The following PARD3 variants were observed in gnomAD, a reference collection of about 807,000 sequenced individuals.
The protein encoded by PARD3 is partitioning defective 3 homolog.
Under a neutral mutation model 155.4 loss-of-function variants are expected in PARD3, and 75 were observed. The ratio of observed to expected loss-of-function variants is 0.48; its 90% CI spans 0.40 to 0.58. PARD3 has a LOEUF of 0.58. Ranked by LOEUF, PARD3 falls within the 20% of genes least tolerant of loss-of-function variation. The pLI is 0.00. For missense variants in PARD3, 1,642 were observed against 1,721.7 expected (o/e 0.95, Z 0.82); for synonymous variants, 576 against 610.5 (o/e 0.94, Z 0.83).
chr10:34,520,344 T>G (rs745659179), intron 2 of PARD3, among the ~76,000 whole-genome samples: 1 of 152,068 alleles, frequency 6.6e-6, no homozygotes, highest in Non-Finnish European at 1.5e-5. Context: ...ACCACGGTAA[T>G]TGGTATGAAG....
chr10:34,406,652 CA>C, intron 5 of PARD3, among the ~76,000 whole-genome samples: 1 of 152,224 alleles, frequency 6.6e-6, no homozygotes, highest in Non-Finnish European at 1.5e-5. Flanking sequence ...CTAGGCCTCC[CA>C]AATAGCTGCA....
intron 1 of PARD3, among the ~76,000 whole-genome samples, chr10:34,785,021 AATTT>A (rs754965313): frequency 3.9e-5 from 6 of 152,242 alleles, no homozygotes; most frequent in African/African-American, 1.4e-4. Flanking sequence ...AGGATACTGG[AATTT>A]ATTTAATTTA....
rs118001123 is a variant in PARD3 at position 34,648,019 on chromosome 10, A to C, written c.222+48299T>G. 2.3e-3 allele frequency among the ~76,000 whole-genome samples: 344 copies of C among 152,336 alleles called. 6 individuals carry two copies. The East Asian group carries it at 0.057, about 25-fold the overall frequency. ...ATGTGCCAATTCTAGACAGGAGTCC[A>C]ACATACAAATAATATCTGAAGTACT... On this transcript the variant is annotated intron_variant, in intron 2 of 24. Coordinates refer to ENST00000374788, the MANE Select transcript of PARD3 (RefSeq NM_001184785.2).
At chr10:34,432,071 A>AAAAAAAT (rs2075960604) in intron 5 of PARD3, among the ~76,000 whole-genome samples, 1 of 145,058 alleles carries the variant, frequency 6.9e-6, no homozygotes, top group Non-Finnish European at 1.5e-5. Flanking sequence ...AAAAAAAAAA[A>AAAAAAAT]GAATGCAGAG....
intron 3 of PARD3, among the ~76,000 whole-genome samples, chr10:34,501,986 T>C (rs2080746419): frequency 6.6e-6 from 1 of 152,154 alleles, no homozygotes. Context: ...CCAATAGAGC[T>C]TGTTTGCTCC....
chr10:34,183,260 C>T (rs1017233824), intron 22 of PARD3, among the ~76,000 whole-genome samples: 2 of 152,328 alleles, frequency 1.3e-5, no homozygotes, highest in Middle Eastern at 3.4e-3. Context: ...CAGGGTCTTG[C>T]TCTGTCGCCC....
chr10:34,372,554 A>G lies in PARD3; in HGVS notation c.1669-18T>C, dbSNP rs1840794501. On this transcript the variant is annotated intron_variant, in intron 11 of 24. Transcript: ENST00000374788. Reference sequence around the variant, plus strand: ...TCTGCATTCTAGAAGAATTGAAGAAAAACATAAATACAGACTGACCAAAGC... The same window carrying G: ...TCTGCATTCTAGAAGAATTGAAGAAGAACATAAATACAGACTGACCAAAGC... The G allele has an allele frequency of 1.3e-6, 2 of 1,589,236 alleles. No homozygotes were observed. Among genetic ancestry groups the G allele is most frequent in the Middle Eastern group, 1.7e-4 (1 of 6,016 alleles).
chr10:34,228,350 A>G (rs568322541), intron 22 of PARD3, among the ~76,000 whole-genome samples: 10 of 152,172 alleles, frequency 6.6e-5, no homozygotes, highest in Middle Eastern at 3.4e-3. Context: ...CCCCCATGAC[A>G]TGCAATTTGC....
chr10:34,422,676 T>C (rs987393101), intron 5 of PARD3, among the ~76,000 whole-genome samples: 2 of 152,080 alleles, frequency 1.3e-5, no homozygotes, highest in Non-Finnish European at 2.9e-5. Flanking sequence ...AACAGGTATA[T>C]GAAAAATGCT....
chr10:34,196,156 C>T (rs1950922987), intron 22 of PARD3, among the ~76,000 whole-genome samples: 1 of 152,168 alleles, frequency 6.6e-6, no homozygotes, highest in South Asian at 2.1e-4. Context: ...CTGTGAGCTC[C>T]TTTGTCTATA....
intron 22 of PARD3, among the ~76,000 whole-genome samples, chr10:34,181,479 T>A (rs1174118432): frequency 6.7e-6 from 1 of 148,688 alleles, no homozygotes; most frequent in Non-Finnish European, 1.5e-5. Context: ...CCAAGCCATA[T>A]AAAGTGCTGT....
intron 5 of PARD3, among the ~76,000 whole-genome samples, chr10:34,407,532 A>G (rs1197205643): frequency 6.6e-6 from 1 of 152,214 alleles, no homozygotes; most frequent in East Asian, 1.9e-4. Flanking sequence ...GCTGCTCCTC[A>G]GATATTTATA....
chr10:34,583,006 T>A (rs1317878084), intron 2 of PARD3, among the ~76,000 whole-genome samples: 3 of 152,184 alleles, frequency 2.0e-5, no homozygotes, highest in African/African-American at 7.2e-5. Flanking sequence ...GACACTGGGG[T>A]TGTCAATACA....
At position 34,300,458 on chromosome 10, in the gene PARD3, C is replaced by G. The variant is rs978921438; in HGVS notation, c.3066-16213G>C. Among the ~76,000 whole-genome samples the G allele has an allele frequency of 2.6e-5, 4 of 152,090 alleles. No homozygotes were observed. The South Asian group carries it at 8.3e-4, about 32-fold the overall frequency. ...TCACTTAAGGTCAGGAGTTCAAGACCACCCTGGATAACAAAGTGAGAAACC... is the reference window on the plus strand; with the variant it reads ...TCACTTAAGGTCAGGAGTTCAAGACGACCCTGGATAACAAAGTGAGAAACC... On this transcript the variant is annotated intron_variant, in intron 20 of 24. Coordinates refer to ENST00000374788, the MANE Select transcript of PARD3 (RefSeq NM_001184785.2).
At chr10:34,689,689 ATTT>A (rs1037474831) in intron 2 of PARD3, among the ~76,000 whole-genome samples, 2 of 152,208 alleles carry the variant, frequency 1.3e-5, no homozygotes, top group South Asian at 2.1e-4. Flanking sequence ...TAGAAAATAT[ATTT>A]TTTATTATCA....
intron 22 of PARD3, among the ~76,000 whole-genome samples, chr10:34,259,754 T>C (rs1233153434): frequency 6.6e-6 from 1 of 152,196 alleles, no homozygotes; most frequent in African/African-American, 2.4e-5. Context: ...AAGTCTGAAT[T>C]AGAAGTGAAG....
chr10:34,460,668 C>A (rs1270803338), intron 4 of PARD3, among the ~76,000 whole-genome samples: 1 of 151,900 alleles, frequency 6.6e-6, no homozygotes, highest in African/African-American at 2.4e-5. Flanking sequence ...CCCGTCTCTA[C>A]TAAAAATACA....
intron 2 of PARD3, among the ~76,000 whole-genome samples, chr10:34,613,416 C>T (rs895240155): frequency 1.3e-5 from 2 of 152,224 alleles, no homozygotes; most frequent in African/African-American, 4.8e-5. Context: ...TCAACAACAT[C>T]TGTGCAATTA....
chr10:34,182,294 A>C (rs1214507563), intron 22 of PARD3, among the ~76,000 whole-genome samples: 2 of 152,236 alleles, frequency 1.3e-5, no homozygotes, highest in Non-Finnish European at 2.9e-5. Flanking sequence ...ATACTTGAAG[A>C]GAAATATTGA....
Sources: gnomAD v4.1 joint callset for allele counts (sites outside exome capture counted in the v4.1 genomes callset) on GRCh38, gnomAD v4.1.1 for gene constraint, MANE v1.5 for transcripts, NCBI Gene and HGNC (gene_info 2026-07-23, HGNC 2026-07-21) for gene names.